HS3ST2: variants seen among roughly 807,000 people sequenced by gnomAD.
HS3ST2 encodes heparan sulfate-glucosamine 3-sulfotransferase 2, also known as heparan sulfate glucosamine 3-O-sulfotransferase 2.
HS3ST2 carries 17 observed loss-of-function variants against 26.3 expected under a neutral mutation model. The ratio of observed to expected loss-of-function variants is 0.65; its 90% confidence interval spans 0.44 to 0.97. The LOEUF (loss-of-function observed/expected upper bound fraction) is 0.97, where lower values mean the gene tolerates loss of function less well. Among genes scored for constraint, HS3ST2 ranks in the 50% least tolerant of loss-of-function variants. The pLI, the probability that HS3ST2 is intolerant of heterozygous loss-of-function variation, is 0.00. For synonymous variants in HS3ST2, 237 were observed against 219.2 expected (o/e 1.08, Z -0.72); for missense variants, 402 against 501.2 (o/e 0.80, Z 1.89).
intron 1 of HS3ST2, among the ~76,000 whole-genome samples, chr16:22,875,028 C>T (rs1445613913): frequency 2.0e-5 from 3 of 152,106 alleles, no homozygotes; most frequent in African/African-American, 7.2e-5. Context: ...ATCATTTATT[C>T]ATGGAGACGT....
intron 1 of HS3ST2, among the ~76,000 whole-genome samples, chr16:22,900,449 A>T (rs1902267699): frequency 1.3e-5 from 2 of 152,132 alleles, no homozygotes; most frequent in South Asian, 4.1e-4. Flanking sequence ...TGCTCCCCAC[A>T]GTTCTGATCA....
rs1048657555 is a variant in HS3ST2, at chr16:22,887,266, A to T, written c.486-27678A>T. On this transcript the variant is annotated intron_variant, in intron 1 of 1. Transcript: ENST00000261374. ...CTGTCTTCATTTGTTTGGGTGGCTT[A>T]TACATAACAGAAATCTATTTCTCAC... Among the ~76,000 whole-genome samples the T allele has an allele frequency of 2.0e-5, 3 of 152,208 alleles. No individual in the cohort carries two copies. The East Asian group carries it at 5.8e-4, about 29-fold the overall frequency.
At chr16:22,908,037 G>A (rs1902377736) in intron 1 of HS3ST2, among the ~76,000 whole-genome samples, 1 of 152,190 alleles carries the variant, frequency 6.6e-6, no homozygotes, top group Non-Finnish European at 1.5e-5. Flanking sequence ...TGAGGCAGGA[G>A]GATTGCGTGA....
chr16:22,863,169 A>C (rs1250108772), intron 1 of HS3ST2, among the ~76,000 whole-genome samples: 1 of 152,254 alleles, frequency 6.6e-6, no homozygotes, highest in East Asian at 1.9e-4. Context: ...CACATGTTTG[A>C]GAATGATATA....
chr16:22,858,040 C>A (rs1901623020), intron 1 of HS3ST2, among the ~76,000 whole-genome samples: 1 of 151,910 alleles, frequency 6.6e-6, no homozygotes, highest in Non-Finnish European at 1.5e-5. Flanking sequence ...CCGTGCTAGA[C>A]CCCAAAGGTA....
At chr16:22,895,030 G>A (rs566453361) in intron 1 of HS3ST2, among the ~76,000 whole-genome samples, 2 of 150,332 alleles carry the variant, frequency 1.3e-5, no homozygotes, top group East Asian at 3.9e-4. Context: ...TTATGTACAA[G>A]TTCCAACTAT....
chr16:22,841,254 C>T (rs184888585), intron 1 of HS3ST2, among the ~76,000 whole-genome samples: 97 of 152,004 alleles, frequency 6.4e-4, no homozygotes, highest in African/African-American at 2.1e-3. Flanking sequence ...GTAGAGACAG[C>T]GTTTCACTAT....
At chr16:22,879,165 G>A (rs759881006) in intron 1 of HS3ST2, among the ~76,000 whole-genome samples, 5 of 152,168 alleles carry the variant, frequency 3.3e-5, no homozygotes, top group Non-Finnish European at 5.9e-5. Context: ...GTGCTATGTC[G>A]TCAATGTCGT....
At chr16:22,878,864 G>A (rs917206819) in intron 1 of HS3ST2, among the ~76,000 whole-genome samples, 8 of 152,236 alleles carry the variant, frequency 5.3e-5, no homozygotes, top group Non-Finnish European at 7.4e-5. Context: ...TGGGGTAGGC[G>A]GGTGCCTGGA....
chr16:22,836,900 C>T (rs992082251), intron 1 of HS3ST2, among the ~76,000 whole-genome samples: 2 of 152,022 alleles, frequency 1.3e-5, no homozygotes, highest in Non-Finnish European at 2.9e-5. Flanking sequence ...TCAAGTGATC[C>T]ACCCACCTCA....
chr16:22,914,889 T>TGAGG, intron 1 of HS3ST2, 55 bp from the exon 2 acceptor site: 1 of 1,546,224 alleles, frequency 6.5e-7, no homozygotes, highest in Admixed American at 1.8e-5. Flanking sequence ...TAGCTGGGCC[T>TGAGG]GAGGCCTGGC....
At chr16:22,881,103 A>G (rs147996183) in intron 1 of HS3ST2, among the ~76,000 whole-genome samples, 1 of 152,328 alleles carries the variant, frequency 6.6e-6, no homozygotes, top group African/African-American at 2.4e-5. Flanking sequence ...AGCTCTGCCA[A>G]TTACTAGCTC....
At chr16:22,824,057 G>A (rs2239333) in intron 1 of HS3ST2, among the ~76,000 whole-genome samples, 38,350 of 152,152 alleles carry the variant, frequency 0.25, 5,295 homozygotes, top group African/African-American at 0.38. Context: ...AGATTGTCAC[G>A]TATCTGTAGA....
intron 1 of HS3ST2, among the ~76,000 whole-genome samples, chr16:22,900,524 G>C (rs544960741): frequency 6.6e-6 from 1 of 152,270 alleles, no homozygotes; most frequent in South Asian, 2.1e-4. Flanking sequence ...GAGTGAGTGA[G>C]AGGTCACCAA....
In HS3ST2 at chr16:22,829,425, C is replaced by T. The variant is rs112835829; in HGVS notation, c.485+14330C>T. ...CCATTTAGAGAGGACAATCAGTAGTCAGTCCTAAACAATATTTTTGACATC... is the reference window on the plus strand; with the variant it reads ...CCATTTAGAGAGGACAATCAGTAGTTAGTCCTAAACAATATTTTTGACATC... On this transcript the variant is annotated intron_variant, in intron 1 of 1. Transcript: ENST00000261374. Among the ~76,000 whole-genome samples the T allele has an allele frequency of 7.7e-3, 1,180 of 152,280 alleles. 16 individuals carry two copies. Among genetic ancestry groups the T allele is most frequent in the African/African-American group, 0.026 (1,071 of 41,546 alleles).
At chr16:22,819,857 G>A (rs1412509373) in intron 1 of HS3ST2, among the ~76,000 whole-genome samples, 3 of 152,192 alleles carry the variant, frequency 2.0e-5, no homozygotes, top group African/African-American at 7.2e-5. Context: ...TATTCTAATT[G>A]CAAAGCCCAA....
intron 1 of HS3ST2, among the ~76,000 whole-genome samples, chr16:22,819,463 GT>G (rs1209270946): frequency 6.6e-6 from 1 of 152,178 alleles, no homozygotes; most frequent in East Asian, 1.9e-4. Flanking sequence ...GTGTGTAGTA[GT>G]TTTTAGAGTC....
intron 1 of HS3ST2, among the ~76,000 whole-genome samples, chr16:22,862,520 C>T (rs372106171): frequency 3.3e-5 from 5 of 152,144 alleles, no homozygotes; most frequent in African/African-American, 9.7e-5. Context: ...GAGCTTCACC[C>T]GCCCTGGACT....
Position 22,814,374 on chromosome 16 carries a change from G to A in HS3ST2, c.-237G>A. ...CGGCTGCCCGGAGCCCCATCGCCTA[G>A]GACCGGGAGATGCTGGAAATGCAAC... On this transcript the variant is annotated 5_prime_UTR_variant, in exon 1 of 2. Transcript: ENST00000261374. The A allele has an allele frequency of 2.3e-6, 1 of 444,432 alleles. No homozygotes were observed. The highest frequency in any genetic ancestry group is 2.1e-5 in the African/African-American group (1 of 48,496). 27.5% of individuals were successfully genotyped at this position (444,432 alleles called of 1,614,324 possible).
Sources: allele counts gnomAD v4.1 joint callset (sites outside exome capture counted in the v4.1 genomes callset), GRCh38; gene constraint gnomAD v4.1.1; transcripts MANE v1.5; gene names NCBI Gene and HGNC (gene_info 2026-07-23, HGNC 2026-07-21).